TAS1R1: variants seen among roughly 807,000 people sequenced by gnomAD.
The protein encoded by TAS1R1 is taste 1 receptor member 1, also known as taste receptor type 1 member 1.
TAS1R1 carries 31 observed loss-of-function variants against 45.8 expected under a neutral mutation model. The ratio of observed to expected loss-of-function variants is 0.68; its 90% CI spans 0.51 to 0.91. The LOEUF is 0.91. Ranked by LOEUF, TAS1R1 falls within the 40% of genes least tolerant of loss-of-function variation. TAS1R1 has a pLI of 0.00. For synonymous variants in TAS1R1, 437 were observed against 448.4 expected (o/e 0.97, Z 0.32); for missense variants, 1,051 against 1,063.9 (o/e 0.99, Z 0.17).
At position 6,579,577 on chromosome 1, in the gene TAS1R1, C is replaced by G; in HGVS notation, c.2519C>G (p.Ser840Cys). ...SIQDYTRRCG[S>C]T is the part of the protein sequence containing the mutation. ...CAGGACTACACGAGGCGCTGCGGCT[C>G]CACCTGACCAGTGGGTCAGCAGGCA... Residue 840 changes from serine (S) to cysteine (C), a missense_variant, in exon 6 of 6, where the codon TCC (serine) becomes TGC (cysteine). By Grantham distance (112) the Ser-to-Cys change is moderately radical. Coordinates refer to ENST00000333172, the MANE Select transcript of TAS1R1 (RefSeq NM_138697.4). 6.2e-7 allele frequency: 1 copy of G among 1,601,382 alleles called. No individual in the cohort carries two copies. The highest frequency in any genetic ancestry group is 1.1e-5 in the South Asian group (1 of 90,616).
At chr1:6,558,196 A>C (rs1470057778) in intron 1 of TAS1R1, among the ~76,000 whole-genome samples, 1 of 151,556 alleles carries the variant, frequency 6.6e-6, no homozygotes, top group Middle Eastern at 3.2e-3. Flanking sequence ...GCCACCACTT[A>C]CCGCTAATTT....
intron 1 of TAS1R1, among the ~76,000 whole-genome samples, chr1:6,556,044 T>C (rs950966258): frequency 5.3e-5 from 8 of 152,056 alleles, no homozygotes; most frequent in Admixed American, 3.3e-4. Context: ...GCTAATGTTT[T>C]GTATTTTTAG....
chr1:6,575,422 C>A, intron 3 of TAS1R1, 30 bp downstream of exon 3: 1 of 1,521,576 alleles, frequency 6.6e-7, no homozygotes, highest in South Asian at 1.3e-5. Context: ...CACCTCCTGT[C>A]AGGGAGAACA....
intron 1 of TAS1R1, among the ~76,000 whole-genome samples, chr1:6,562,253 C>G (rs1343422009): frequency 6.6e-6 from 1 of 152,192 alleles, no homozygotes; most frequent in Non-Finnish European, 1.5e-5. Context: ...ACTGCAAGCT[C>G]TGCCTCCCAG....
At chr1:6,567,491 C>T (rs972232928) in intron 1 of TAS1R1, among the ~76,000 whole-genome samples, 29 of 150,028 alleles carry the variant, frequency 1.9e-4, no homozygotes, top group African/African-American at 6.1e-4. Flanking sequence ...ACCCGGGAGG[C>T]GGAGCTTGCA....
intron 1 of TAS1R1, among the ~76,000 whole-genome samples, chr1:6,562,637 G>A (rs149189774): frequency 3.3e-5 from 5 of 152,278 alleles, no homozygotes; most frequent in African/African-American, 4.8e-5. Flanking sequence ...AGTCCTATAA[G>A]CAGGGGTGTT....
intron 1 of TAS1R1, among the ~76,000 whole-genome samples, chr1:6,569,213 G>C (rs981651569): frequency 6.6e-6 from 1 of 152,062 alleles, no homozygotes; most frequent in Non-Finnish European, 1.5e-5. Context: ...GAAAATTGGC[G>C]AGGTTAAAAG....
chr1:6,556,995 C>G (rs74892820), intron 1 of TAS1R1, among the ~76,000 whole-genome samples: 1 of 123,638 alleles, frequency 8.1e-6, no homozygotes, highest in African/African-American at 3.0e-5. Flanking sequence ...GGCGACAGAG[C>G]GAGGCTCCAT....
intron 3 of TAS1R1, among the ~76,000 whole-genome samples, chr1:6,575,817 C>T (rs1322480464): frequency 6.6e-6 from 1 of 151,938 alleles, no homozygotes; most frequent in African/African-American, 2.4e-5. Flanking sequence ...CTCAGCCTCC[C>T]AAGTAGGTGG....
At chr1:6,569,609 G>A (rs1418355548) in intron 1 of TAS1R1, among the ~76,000 whole-genome samples, 1 of 152,150 alleles carries the variant, frequency 6.6e-6, no homozygotes, top group Non-Finnish European at 1.5e-5. Flanking sequence ...AAGCTCCTAT[G>A]GTGAATGGAG....
intron 1 of TAS1R1, among the ~76,000 whole-genome samples, chr1:6,561,013 G>A (rs1054600004): frequency 2.0e-5 from 3 of 151,524 alleles, no homozygotes; most frequent in Non-Finnish European, 4.4e-5. Flanking sequence ...AAAGAGGGGC[G>A]ATGTTTATGG....
chr1:6,562,203 C>G (rs998767553), intron 1 of TAS1R1, among the ~76,000 whole-genome samples: 1 of 152,248 alleles, frequency 6.6e-6, no homozygotes, highest in South Asian at 2.1e-4. Flanking sequence ...GAGTCTCACT[C>G]TGTTGCCCAG....
intron 3 of TAS1R1, 73 bp downstream of exon 3, chr1:6,575,465 C>G (rs1640143604): frequency 6.9e-7 from 1 of 1,445,304 alleles, no homozygotes. Context: ...TGGGCACTCT[C>G]CGGTCACTCT....
At chr1:6,576,853 C>T (rs922795840) in intron 4 of TAS1R1, 97 bp from the exon 5 acceptor site, 3 of 1,584,518 alleles carry the variant, frequency 1.9e-6, no homozygotes, top group Non-Finnish European at 2.6e-6. Context: ...TGGGAGTGAG[C>T]CCTGAGGGCA....
At chr1:6,569,486 A>G (rs911340858) in intron 1 of TAS1R1, among the ~76,000 whole-genome samples, 1 of 152,234 alleles carries the variant, frequency 6.6e-6, no homozygotes, top group African/African-American at 2.4e-5. Flanking sequence ...GAGGCCAGAC[A>G]GTATTACAGT....
In TAS1R1 at chr1:6,576,507, A is replaced by T. The variant is rs778682214; in HGVS notation, c.1353A>T (p.Ile451=). The T allele has an allele frequency of 1.2e-6, 2 of 1,614,232 alleles. No individual in the cohort carries two copies. The highest frequency in any genetic ancestry group is 3.3e-5 in the Admixed American group (2 of 60,032). The change falls in exon 4 of 6, where the codon ATA becomes ATT. Residue 451 remains isoleucine (I), a synonymous_variant. Coordinates refer to ENST00000333172, the MANE Select transcript of TAS1R1 (RefSeq NM_138697.4). The part of the protein sequence containing the change: ...DNRDPLSSYN[I]IAWDWNGPKW... Reference sequence around the variant, plus strand: ...GAGATCCCCTCAGTAGCTATAACATAATTGCCTGGGACTGGAATGGACCCA... The same window carrying T: ...GAGATCCCCTCAGTAGCTATAACATTATTGCCTGGGACTGGAATGGACCCA...
Position 6,571,207 on chromosome 1 carries a change from G to A in TAS1R1, c.490G>A (p.Val164Met), listed in dbSNP as rs371838719. 28 of 1,561,862 alleles carry A rather than the reference G, an allele frequency of 1.8e-5. No homozygotes were observed. The South Asian group carries it at 2.6e-4, about 14-fold the overall frequency. The change falls in exon 2 of 6, where the codon GTG (valine) becomes ATG (methionine). Residue 164 changes from valine (V) to methionine (M), a missense_variant. By Grantham distance (21) the Val-to-Met change is conservative. Transcript: ENST00000333172. Reference protein sequence around the residue: ...TTAALLSPFLVPMISYAASSE... With the variant: ...TTAALLSPFLMPMISYAASSE... The stretch of plus-strand genomic sequence containing the variant: ...AGCCGCCCTGCTGAGCCCTTTCCTG[G>A]TGCCCATGGTAAGCTGGAGCCTCAG...
intron 1 of TAS1R1, among the ~76,000 whole-genome samples, chr1:6,567,327 G>A (rs1032528563): frequency 1.3e-5 from 2 of 152,074 alleles, no homozygotes; most frequent in African/African-American, 4.8e-5. Context: ...TTGGGAGGCT[G>A]AGACGGGCGG....
At chr1:6,567,555 G>A (rs1231072675) in intron 1 of TAS1R1, among the ~76,000 whole-genome samples, 2 of 94,744 alleles carry the variant, frequency 2.1e-5, no homozygotes, top group East Asian at 7.1e-4. Context: ...GTGAGACTCC[G>A]TCTCAAAGAA....
Sources: gnomAD v4.1 joint callset for allele counts (sites outside exome capture counted in the v4.1 genomes callset) on GRCh38, gnomAD v4.1.1 for gene constraint, MANE v1.5 for transcripts, NCBI Gene and HGNC (gene_info 2026-07-23, HGNC 2026-07-21) for gene names.